Variants in LRRC8B observed in about 807,000 individuals in gnomAD.
The protein encoded by LRRC8B is leucine rich repeat containing 8 VRAC subunit B, also known as volume-regulated anion channel subunit LRRC8B.
Under a neutral mutation model 58.8 loss-of-function variants are expected in LRRC8B, and 23 were observed. The observed-to-expected ratio is 0.39, with a 90% CI of 0.28 to 0.55. LRRC8B has a LOEUF of 0.55. Ranked by LOEUF, LRRC8B falls within the 20% of genes least tolerant of loss-of-function variation. The pLI, the probability that LRRC8B is intolerant of heterozygous loss-of-function variation, is 0.62. For missense variants in LRRC8B, 694 were observed against 936.0 expected (o/e 0.74, Z 3.37); for synonymous variants, 359 against 374.1 (o/e 0.96, Z 0.47).
At chr1:89,581,697 G>A (rs766965877) in intron 4 of LRRC8B, among the ~76,000 whole-genome samples, 7 of 152,164 alleles carry the variant, frequency 4.6e-5, no homozygotes, top group Non-Finnish European at 4.4e-5. Context: ...TGCCTCCATC[G>A]TTTATCCTTT....
chr1:89,575,895 A>G (rs867120752), intron 3 of LRRC8B, among the ~76,000 whole-genome samples: 5 of 152,280 alleles, frequency 3.3e-5, no homozygotes, highest in Middle Eastern at 6.8e-3. Context: ...TTTTAAACAT[A>G]TTGTAAACTT....
intron 1 of LRRC8B, among the ~76,000 whole-genome samples, chr1:89,557,774 T>G (rs763436999): frequency 4.6e-5 from 7 of 152,208 alleles, no homozygotes; most frequent in Non-Finnish European, 1.0e-4. Flanking sequence ...AATTTTTATT[T>G]ATGTGTTTTT....
rs1038651305 is a variant in LRRC8B at position 89,584,235 on chromosome 1, A to G, written c.1585A>G (p.Met529Val). The G allele has an allele frequency of 1.2e-6, 2 of 1,612,362 alleles. No homozygotes were observed. Among genetic ancestry groups the G allele is most frequent in the African/African-American group, 2.7e-5 (2 of 74,930 alleles). ...TGTTCTCCCTGAACAGTTGAGTACTATGCAGTTGGAGGGCTTTCAGGACTT... is the reference window on the plus strand; with the variant it reads ...TGTTCTCCCTGAACAGTTGAGTACTGTGCAGTTGGAGGGCTTTCAGGACTT... ...GCVLPEQLST[M>V]QLEGFQDLKN... The change falls in exon 5 of 6, where the codon ATG (methionine) becomes GTG (valine). Residue 529 changes from methionine to valine, a missense_variant. Coordinates refer to ENST00000330947, the MANE Select transcript of LRRC8B (RefSeq NM_001369817.2).
At position 89,584,520 on chromosome 1, in the gene LRRC8B, G is replaced by T; in HGVS notation, c.1870G>T (p.Glu624Ter). The stretch of plus-strand genomic sequence containing the variant: ...AAGGGAAAATAACCTTAAAACTGTG[G>T]AAGAGATCATTAGCTTTCAGCATCT... ...DLRENNLKTV[E>*]EIISFQHLQN... Residue 624 changes from glutamate to a stop codon, truncating the protein, a stop_gained, in exon 5 of 6, where the codon GAA becomes TAA. Transcript: ENST00000330947. LOFTEE classifies it high-confidence loss of function. The T allele has an allele frequency of 1.2e-6, 2 of 1,614,178 alleles. No homozygotes were observed. Among genetic ancestry groups the T allele is most frequent in the Non-Finnish European group, 1.7e-6 (2 of 1,180,040 alleles).
At chr1:89,570,960 A>G (rs1209084726) in intron 3 of LRRC8B, among the ~76,000 whole-genome samples, 1 of 152,184 alleles carries the variant, frequency 6.6e-6, no homozygotes, top group Non-Finnish European at 1.5e-5. Context: ...AGCACCATTT[A>G]TCAAATAGGG....
At chr1:89,585,985 G>A (rs1184758210) in intron 5 of LRRC8B, among the ~76,000 whole-genome samples, 1 of 152,126 alleles carries the variant, frequency 6.6e-6, no homozygotes, top group Non-Finnish European at 1.5e-5. Context: ...GGGGATGAGA[G>A]CAAAATTCAT....
chr1:89,534,639 C>T (rs1238457665), intron 1 of LRRC8B, among the ~76,000 whole-genome samples: 2 of 152,074 alleles, frequency 1.3e-5, no homozygotes, highest in Admixed American at 6.5e-5. Flanking sequence ...CACTAGTACA[C>T]GATTGACCAG....
chr1:89,559,127 A>G (rs967742795), intron 1 of LRRC8B: 2 of 152,182 alleles, frequency 1.3e-5, no homozygotes, highest in African/African-American at 4.8e-5. Context: ...ATAGCCAGGA[A>G]GATGTTGGGG....
intron 1 of LRRC8B, chr1:89,549,875 A>G (rs993540292): frequency 2.2e-4 from 33 of 152,250 alleles, no homozygotes; most frequent in Admixed American, 2.0e-3. Context: ...TTCAGCAAAA[A>G]CAGCTTAACA....
At chr1:89,576,626 A>C (rs951807024) in intron 3 of LRRC8B, among the ~76,000 whole-genome samples, 1 of 152,146 alleles carries the variant, frequency 6.6e-6, no homozygotes, top group African/African-American at 2.4e-5. Context: ...CAAATTGGCA[A>C]CTCTGAGGGA....
At chr1:89,577,188 C>T (rs1190559966) in intron 3 of LRRC8B, among the ~76,000 whole-genome samples, 1 of 152,108 alleles carries the variant, frequency 6.6e-6, no homozygotes, top group East Asian at 1.9e-4. Context: ...GAAGTAGCGT[C>T]CTCTTCTCAG....
At chr1:89,549,082 C>G (rs1345871701) in intron 1 of LRRC8B, among the ~76,000 whole-genome samples, 1 of 152,202 alleles carries the variant, frequency 6.6e-6, no homozygotes, top group East Asian at 1.9e-4. Context: ...TGGGATACCA[C>G]AGTGAGCCCT....
At chr1:89,545,738 A>C (rs1651351578) in intron 1 of LRRC8B, among the ~76,000 whole-genome samples, 1 of 152,222 alleles carries the variant, frequency 6.6e-6, no homozygotes, top group Non-Finnish European at 1.5e-5. Flanking sequence ...TAAGAACAAG[A>C]AGACAACAAT....
At chr1:89,578,575 T>G (rs1403978533) in intron 3 of LRRC8B, among the ~76,000 whole-genome samples, 1 of 152,224 alleles carries the variant, frequency 6.6e-6, no homozygotes, top group African/African-American at 2.4e-5. Flanking sequence ...CATGACTTGG[T>G]AAACCCAAAG....
intron 1 of LRRC8B, among the ~76,000 whole-genome samples, chr1:89,567,332 T>C (rs1418540950): frequency 6.6e-6 from 1 of 152,238 alleles, no homozygotes; most frequent in Non-Finnish European, 1.5e-5. Flanking sequence ...ATAAAGAAAC[T>C]CCGCTATATT....
intron 3 of LRRC8B, among the ~76,000 whole-genome samples, chr1:89,569,939 A>G (rs999111097): frequency 4.6e-5 from 7 of 151,932 alleles, no homozygotes; most frequent in African/African-American, 1.7e-4. Flanking sequence ...TTTAGCCCCT[A>G]CTTATAAGTA....
chr1:89,568,765 A>G (rs1192364781), intron 3 of LRRC8B, among the ~76,000 whole-genome samples: 1 of 152,176 alleles, frequency 6.6e-6, no homozygotes, highest in African/African-American at 2.4e-5. Flanking sequence ...ATTTTTTAAC[A>G]GTAAAATCTA....
rs779796658 is a variant in LRRC8B at position 89,593,300 on chromosome 1, C to A, written c.*257C>A. ...GCTGACGCAGGGGAATTGCTTGAAC[C>A]AGGGAGGTGGAGGTTGCAGTGAGCC... On this transcript the variant is annotated 3_prime_UTR_variant, in exon 6 of 6. Transcript: ENST00000330947. 3.4e-5 allele frequency: 13 copies of A among 387,180 alleles called. No homozygotes were observed. The highest frequency in any genetic ancestry group is 6.1e-5 in the Non-Finnish European group (13 of 211,954). The allele number at this position is 387,180 out of a possible 1,614,324, so 24.0% of individuals were successfully genotyped here. A position where few individuals can be genotyped will look rare whatever the true frequency, so the allele number is the denominator to read the frequency against.
chr1:89,527,302 T>C (rs1012290774), intron 1 of LRRC8B, among the ~76,000 whole-genome samples: 1 of 152,254 alleles, frequency 6.6e-6, no homozygotes, highest in Non-Finnish European at 1.5e-5. Context: ...TTGGTGTCTC[T>C]AAAGTTGAAT....
Sources: gnomAD v4.1 joint callset for allele counts (sites outside exome capture counted in the v4.1 genomes callset) on GRCh38, gnomAD v4.1.1 for gene constraint, MANE v1.5 for transcripts, NCBI Gene and HGNC (gene_info 2026-07-23, HGNC 2026-07-21) for gene names.